PLEKHH2: variants seen among roughly 807,000 people sequenced by gnomAD.
PLEKHH2 encodes the protein pleckstrin homology domain-containing family H member 2.
A neutral mutation model predicts 187.9 loss-of-function variants in PLEKHH2; 129 were observed. The ratio of observed to expected loss-of-function variants is 0.69; its 90% CI spans 0.59 to 0.79. The LOEUF (loss-of-function observed/expected upper bound fraction) is 0.79. Ranked by LOEUF, PLEKHH2 falls within the 30% of genes least tolerant of loss-of-function variation. PLEKHH2 has a pLI of 0.00. For synonymous variants in PLEKHH2, 686 were observed against 605.6 expected (o/e 1.13, Z -1.95); for missense variants, 2,076 against 1,751.2 (o/e 1.19, Z -3.31).
chr2:43,672,157 T>G (rs1342014296), intron 2 of PLEKHH2, among the ~76,000 whole-genome samples: 1 of 152,234 alleles, frequency 6.6e-6, no homozygotes, highest in Non-Finnish European at 1.5e-5. Flanking sequence ...TTTTGTCCAG[T>G]TTATGGGCAT....
intron 24 of PLEKHH2, among the ~76,000 whole-genome samples, chr2:43,751,926 C>CTTTTTTTTTT (rs1191371733): frequency 1.6e-4 from 23 of 139,856 alleles, no homozygotes; most frequent in African/African-American, 5.6e-4. Flanking sequence ...CTCTCTCTCT[C>CTTTTTTTTTT]TTTTTTTTTT....
chr2:43,678,842 A>G (rs745476956), intron 2 of PLEKHH2, 21 bp from the exon 3 acceptor site: 2 of 1,554,600 alleles, frequency 1.3e-6, no homozygotes, highest in East Asian at 4.5e-5. Context: ...TTTTGTATTT[A>G]TATTTTCCCT....
intron 2 of PLEKHH2, among the ~76,000 whole-genome samples, chr2:43,660,394 C>T (rs1304553907): frequency 6.7e-6 from 1 of 148,802 alleles, no homozygotes; most frequent in African/African-American, 2.5e-5. Flanking sequence ...AAGTAAACAC[C>T]TAGGAGTAGG....
At chr2:43,678,130 G>A (rs1250473993) in intron 2 of PLEKHH2, among the ~76,000 whole-genome samples, 15 of 150,484 alleles carry the variant, frequency 1.0e-4, no homozygotes, top group Non-Finnish European at 2.1e-4. Flanking sequence ...GGGCAGAGGC[G>A]CTCCCCACAT....
chr2:43,744,316 A>G (rs1420882690), intron 23 of PLEKHH2, among the ~76,000 whole-genome samples: 2 of 152,194 alleles, frequency 1.3e-5, no homozygotes, highest in Non-Finnish European at 2.9e-5. Context: ...ATTCAGCAAT[A>G]CTTACTAAGC....
chr2:43,710,423 A>G (rs1031385424), intron 13 of PLEKHH2, 66 bp from the exon 14 acceptor site: 1 of 1,582,480 alleles, frequency 6.3e-7, no homozygotes, highest in Non-Finnish European at 8.6e-7. Context: ...AAGTAATGAT[A>G]CAAAGCATTC....
At chr2:43,645,006 A>AC (rs1172851414) in intron 2 of PLEKHH2, among the ~76,000 whole-genome samples, 3 of 152,246 alleles carry the variant, frequency 2.0e-5, no homozygotes, top group Admixed American at 2.0e-4. Flanking sequence ...ATATGTGAGA[A>AC]CCGTGTATGT....
intron 19 of PLEKHH2, among the ~76,000 whole-genome samples, chr2:43,735,160 A>G (rs1197354367): frequency 6.6e-6 from 1 of 152,178 alleles, no homozygotes; most frequent in Admixed American, 6.5e-5. Flanking sequence ...ACTGCACTCC[A>G]GCCTGGGTGA....
Position 43,765,462 on chromosome 2 carries a change from A to G in PLEKHH2, c.4346A>G (p.Gln1449Arg). ...LIASYINNFH[Q>R]QKAAFHHLSA... ...GCCAGTTACATAAACAACTTCCATCAGCAAAAGGCAGCATTTCACCACCTC... is the reference window on the plus strand; with the variant it reads ...GCCAGTTACATAAACAACTTCCATCGGCAAAAGGCAGCATTTCACCACCTC... The change falls in exon 30 of 30, where the codon CAG (glutamine) becomes CGG (arginine). Residue 1449 changes from glutamine to arginine, a missense_variant. Coordinates refer to ENST00000282406, the MANE Select transcript of PLEKHH2 (RefSeq NM_172069.4). 1.2e-6 allele frequency: 2 copies of G among 1,614,176 alleles called. No individual in the cohort carries two copies. The highest frequency in any genetic ancestry group is 1.7e-6 in the Non-Finnish European group (2 of 1,180,012).
chr2:43,646,819 C>CTT (rs564251533), intron 2 of PLEKHH2, among the ~76,000 whole-genome samples: 1 of 136,264 alleles, frequency 7.3e-6, no homozygotes, highest in Admixed American at 7.3e-5. Context: ...TTTTCTTCTT[C>CTT]TTTTTTTTTT....
intron 3 of PLEKHH2, among the ~76,000 whole-genome samples, chr2:43,690,892 G>A (rs1668758395): frequency 6.6e-6 from 1 of 152,212 alleles, no homozygotes; most frequent in East Asian, 1.9e-4. Context: ...CTAAAGGAGA[G>A]AAAAGTGAGA....
At chr2:43,683,751 A>G (rs1440811228) in intron 3 of PLEKHH2, among the ~76,000 whole-genome samples, 17 of 151,982 alleles carry the variant, frequency 1.1e-4, no homozygotes, top group East Asian at 1.9e-4. Context: ...GACCTCCACC[A>G]GGAGGTGGAT....
intron 1 of PLEKHH2, among the ~76,000 whole-genome samples, chr2:43,639,960 T>A (rs1035366403): frequency 2.0e-5 from 3 of 152,030 alleles, no homozygotes; most frequent in African/African-American, 4.8e-5. Flanking sequence ...CCCAGCCAGA[T>A]CTACTACATT....
At chr2:43,720,216 G>A (rs1035298534) in intron 15 of PLEKHH2, among the ~76,000 whole-genome samples, 3 of 151,766 alleles carry the variant, frequency 2.0e-5, no homozygotes, top group African/African-American at 4.8e-5. Context: ...GTAAACATTC[G>A]TTGTATGTTG....
intron 24 of PLEKHH2, among the ~76,000 whole-genome samples, chr2:43,753,159 G>A (rs1455821795): frequency 2.0e-5 from 3 of 152,170 alleles, no homozygotes; most frequent in Non-Finnish European, 2.9e-5. Context: ...TTGCAAGAGA[G>A]GGCATATTTA....
At chr2:43,762,239 A>G in intron 27 of PLEKHH2, 65 bp from the exon 28 acceptor site, 1 of 1,219,726 alleles carries the variant, frequency 8.2e-7, no homozygotes, top group South Asian at 1.3e-5. Context: ...TGACATTTAG[A>G]CTGAAAAATA....
chr2:43,756,303 C>CT (rs528009960), intron 25 of PLEKHH2, among the ~76,000 whole-genome samples: 5 of 149,674 alleles, frequency 3.3e-5, no homozygotes, highest in Non-Finnish European at 7.4e-5. Context: ...TTTCTTATAA[C>CT]TTTTTTTTTT....
chr2:43,639,389 A>C (rs1160774543), intron 1 of PLEKHH2, among the ~76,000 whole-genome samples: 1 of 152,170 alleles, frequency 6.6e-6, no homozygotes, highest in Non-Finnish European at 1.5e-5. Context: ...TCATCACCCC[A>C]AAAAGAAACC....
intron 2 of PLEKHH2, among the ~76,000 whole-genome samples, chr2:43,670,438 A>G (rs1667440025): frequency 1.3e-5 from 2 of 152,178 alleles, no homozygotes; most frequent in South Asian, 4.1e-4. Flanking sequence ...TGGCTATAGG[A>G]TCTGACAATG....
Sources: allele counts gnomAD v4.1 joint callset (sites outside exome capture counted in the v4.1 genomes callset), GRCh38; gene constraint gnomAD v4.1.1; transcripts MANE v1.5; gene names NCBI Gene and HGNC (gene_info 2026-07-23, HGNC 2026-07-21).